The following SLC26A6 variants were observed in gnomAD, a reference collection of about 807,000 sequenced individuals.
The protein encoded by SLC26A6 is solute carrier family 26 member 6, also known as anion exchange transporter.
Under a neutral mutation model 87.1 loss-of-function variants are expected in SLC26A6, and 67 were observed. The observed-to-expected ratio is 0.77, with a 90% confidence interval of 0.63 to 0.94. SLC26A6 has a LOEUF of 0.94. Ranked by LOEUF, SLC26A6 falls within the 40% of genes least tolerant of loss-of-function variation. The pLI is 0.00. For missense variants in SLC26A6, 902 were observed against 973.0 expected (o/e 0.93, Z 0.97); for synonymous variants, 414 against 405.9 (o/e 1.02, Z -0.24).
rs768630096 is a variant in SLC26A6, at chr3:48,626,976, A to C, written c.1973T>G (p.Leu658Arg). Reference sequence around the variant, plus strand: ...TGGCTGAGGCAGGCCCAGGGCCTTCAGTGTGGACCCATCTGGGGCCTTGGA... The same window carrying C: ...TGGCTGAGGCAGGCCCAGGGCCTTCCGTGTGGACCCATCTGGGGCCTTGGA... Reference protein sequence around the residue: ...EDSKAPDGSTLKALGLPQPDF... With the variant: ...EDSKAPDGSTRKALGLPQPDF... Residue 658 changes from leucine to arginine, a missense_variant, in exon 18 of 21, where the codon CTG (leucine) becomes CGG (arginine). Coordinates refer to ENST00000395550, the MANE Select transcript of SLC26A6 (RefSeq NM_022911.3). 5 of 1,614,242 alleles carry C rather than the reference A, an allele frequency of 3.1e-6. No individual in the cohort carries two copies. The South Asian group carries it at 5.5e-5, about 18-fold the overall frequency.
intron 1 of SLC26A6, chr3:48,634,650 G>GCT: frequency 1.2e-6 from 1 of 855,992 alleles, no homozygotes; most frequent in East Asian, 1.2e-4. Context: ...TGTTGGGGAA[G>GCT]CTTTCACCAG....
At chr3:48,632,468 G>A in intron 4 of SLC26A6, 72 bp from the exon 5 acceptor site, 1 of 1,537,628 alleles carries the variant, frequency 6.5e-7, no homozygotes, top group Non-Finnish European at 8.8e-7. Context: ...GGTCTTAAGA[G>A]AGAGGCCAGG....
chr3:48,626,951 T>C lies in SLC26A6; in HGVS notation c.1998A>G (p.Pro666=). ...STLKALGLPQ[P]DFHSLILDLG... Reference sequence around the variant, plus strand: ...GGTCCAGGATGAGGCTGTGGAAGTCTGGCTGAGGCAGGCCCAGGGCCTTCA... The same window carrying C: ...GGTCCAGGATGAGGCTGTGGAAGTCCGGCTGAGGCAGGCCCAGGGCCTTCA... The change falls in exon 18 of 21, where the codon CCA becomes CCG. Residue 666 remains proline, a synonymous_variant. Coordinates refer to ENST00000395550, the MANE Select transcript of SLC26A6 (RefSeq NM_022911.3). The C allele has an allele frequency of 6.2e-7, 1 of 1,614,212 alleles. No homozygotes were observed. Among genetic ancestry groups the C allele is most frequent in the Non-Finnish European group, 8.5e-7 (1 of 1,180,030 alleles).
intron 11 of SLC26A6, 102 bp from the exon 12 acceptor site, chr3:48,630,259 AC>A (rs2046747270): frequency 1.0e-5 from 14 of 1,391,440 alleles, no homozygotes; most frequent in Non-Finnish European, 1.4e-5. Context: ...CTCAGGCAGT[AC>A]CCCAGACACA....
chr3:48,635,365 A>T lies in SLC26A6; in HGVS notation c.23+6T>A, dbSNP rs2046927969. 6.3e-7 allele frequency: 1 copy of T among 1,586,592 alleles called. No individual in the cohort carries two copies. The highest frequency in any genetic ancestry group is 8.6e-7 in the Non-Finnish European group (1 of 1,168,262). Reference sequence around the variant, plus strand: ...CGGGGCCACCGGGAATGTGCGCTGAACTCACCCCGACGCATCCGCCAGCCC... The same window carrying T: ...CGGGGCCACCGGGAATGTGCGCTGATCTCACCCCGACGCATCCGCCAGCCC... On this transcript the variant is annotated splice_donor_region_variant and intron_variant, in intron 1 of 20. Coordinates refer to ENST00000395550, the MANE Select transcript of SLC26A6 (RefSeq NM_022911.3).
rs76331418 is a variant in SLC26A6, at chr3:48,629,396, G to A, written c.1599+246C>T. 3.2e-3 allele frequency among the ~76,000 whole-genome samples: 486 copies of A among 152,300 alleles called. 20 individuals carry two copies. The East Asian group carries it at 0.08, about 25-fold the overall frequency. On this transcript the variant is annotated intron_variant, in intron 14 of 20. Transcript: ENST00000395550. ...GACCCACGGCTGCTCTGCAGGTGGA[G>A]CTTGTGCTGTTGACTCCACGACAGA...
intron 7 of SLC26A6, 45 bp from the exon 8 acceptor site, chr3:48,631,351 G>C (rs1220439427): frequency 6.6e-7 from 1 of 1,509,026 alleles, no homozygotes; most frequent in East Asian, 2.4e-5. Flanking sequence ...TGGCACCATG[G>C]TCAGGGGGAC....
chr3:48,635,134 G>C (rs933902476), intron 1 of SLC26A6, among the ~76,000 whole-genome samples: 5 of 152,226 alleles, frequency 3.3e-5, no homozygotes, highest in African/African-American at 9.6e-5. Flanking sequence ...CCTGTGGCCC[G>C]GGATGGCCCT....
At position 48,631,875 on chromosome 3, in the gene SLC26A6, C is replaced by T. The variant is rs1484504679; in HGVS notation, c.750+5G>A. On this transcript the variant is annotated splice_donor_5th_base_variant and intron_variant, in intron 6 of 20. Transcript: ENST00000395550. The stretch of plus-strand genomic sequence containing the variant: ...CTACCCCTCCCTCCCCCTACCCTCA[C>T]TCACATAGATGAGGGACAGTGGCCC... 1.2e-6 allele frequency: 2 copies of T among 1,613,600 alleles called. No homozygotes were observed. Among genetic ancestry groups the T allele is most frequent in the South Asian group, 1.1e-5 (1 of 91,084 alleles).
chr3:48,633,779 C>G, intron 1 of SLC26A6, 144 bp from the exon 2 acceptor site: 1 of 1,473,266 alleles, frequency 6.8e-7, no homozygotes, highest in Non-Finnish European at 8.9e-7. Flanking sequence ...CAGCTGGCAT[C>G]TGTGGGCCAC....
chr3:48,632,066 T>C, intron 5 of SLC26A6, 22 bp from the exon 6 acceptor site: 1 of 1,612,042 alleles, frequency 6.2e-7, no homozygotes, highest in South Asian at 1.1e-5. Context: ...CCAGGGGCAG[T>C]CAGGAGAGGC....
rs754558319 is a variant in SLC26A6 at position 48,628,636 on chromosome 3, C to CATCACTG, written c.1671_1677dup (p.Ala560GlnfsTer2). ...CTCCGTCTCACCCTCTGCTTCAGCG[C>CATCACTG]ATCACTGTAGAACTCAGCATTGGCA... On this transcript the variant is annotated stop_gained and frameshift_variant, in exon 15 of 21. Transcript: ENST00000395550. LOFTEE classifies it high-confidence loss of function. This position sits in a 1 kb window ranked among gnomAD's most constrained non-coding sequence, Gnocchi z 4.4. 2.2e-5 allele frequency: 36 copies of CATCACTG among 1,613,732 alleles called. No individual in the cohort carries two copies. The highest frequency in any genetic ancestry group is 2.5e-5 in the Non-Finnish European group (29 of 1,179,980).
intron 4 of SLC26A6, 69 bp downstream of exon 4, chr3:48,632,905 G>T: frequency 2.1e-6 from 3 of 1,455,832 alleles, no homozygotes; most frequent in Non-Finnish European, 2.9e-6. Context: ...CCTGCTCAGT[G>T]CCCCCTCACC....
Position 48,628,376 on chromosome 3 carries a change from G to C in SLC26A6, c.1800+58C>G. On this transcript the variant is annotated intron_variant, in intron 16 of 20. Coordinates refer to ENST00000395550, the MANE Select transcript of SLC26A6 (RefSeq NM_022911.3). The surrounding 1 kb of genome is among the most constrained non-coding windows in gnomAD (Gnocchi z 4.4). ...GGGAGGAGTCGGGGGCCAGGAGAAA[G>C]GCTGGGGCAGGGAACAGGGGGCAGG... 6.2e-7 allele frequency: 1 copy of C among 1,607,758 alleles called. No individual in the cohort carries two copies. The highest frequency in any genetic ancestry group is 2.2e-5 in the East Asian group (1 of 44,866).
At chr3:48,626,464 C>T in intron 19 of SLC26A6, 110 bp from the exon 20 acceptor site, 1 of 1,558,068 alleles carries the variant, frequency 6.4e-7, no homozygotes, top group Non-Finnish European at 8.8e-7. Context: ...ACCCCTGAGG[C>T]TACAGCTGAA....
intron 9 of SLC26A6, 71 bp downstream of exon 9, chr3:48,630,922 G>T (rs2046769658): frequency 1.9e-6 from 3 of 1,588,612 alleles, no homozygotes; most frequent in Admixed American, 3.4e-5. Context: ...TGTCCCACCG[G>T]TTCCTCCCCC....
In SLC26A6 at chr3:48,628,564, G is replaced by A. The variant is rs368819249; in HGVS notation, c.1693-23C>T. 2.3e-5 allele frequency: 37 copies of A among 1,614,066 alleles called. No individual in the cohort carries two copies. The highest frequency in any genetic ancestry group is 3.0e-5 in the Non-Finnish European group (35 of 1,179,982). On this transcript the variant is annotated intron_variant, in intron 15 of 20. Coordinates refer to ENST00000395550, the MANE Select transcript of SLC26A6 (RefSeq NM_022911.3). This position sits in a 1 kb window ranked among gnomAD's most constrained non-coding sequence, Gnocchi z 4.4. The stretch of plus-strand genomic sequence containing the variant: ...ACACTGGAGGCAAACATCAGAGAAG[G>A]GTTGGTGAGCTCTCTGGGAGCTGGG...
Position 48,632,099 on chromosome 3 carries a change from A to G in SLC26A6, c.586-55T>C, listed in dbSNP as rs754341988. On this transcript the variant is annotated intron_variant, in intron 5 of 20. Coordinates refer to ENST00000395550, the MANE Select transcript of SLC26A6 (RefSeq NM_022911.3). ...GGCAGGGGTCCTGGGGTTGCTAATG[A>G]GGAGCGCAGGGCAAGTGGGATGGGA... The G allele has an allele frequency of 1.9e-6, 3 of 1,606,218 alleles. No homozygotes were observed. In the South Asian group the frequency reaches 3.3e-5, roughly 18 times the overall value.
rs1449305918 is a variant in SLC26A6 at position 48,628,719 on chromosome 3, G to T, written c.1600-5C>A. 6.2e-7 allele frequency: 1 copy of T among 1,612,632 alleles called. No individual in the cohort carries two copies. Among genetic ancestry groups the T allele is most frequent in the East Asian group, 2.2e-5 (1 of 44,860 alleles). ...CACCCCCCGGACTTCCTTGGCCTGG[G>T]GATGAGGCAGAACTGGTGGTGGCTG... On this transcript the variant is annotated splice_region_variant and splice_polypyrimidine_tract_variant and intron_variant, in intron 14 of 20. Coordinates refer to ENST00000395550, the MANE Select transcript of SLC26A6 (RefSeq NM_022911.3). The surrounding 1 kb of genome is among the most constrained non-coding windows in gnomAD (Gnocchi z 4.4).
Sources: gnomAD v4.1 joint callset for allele counts (sites outside exome capture counted in the v4.1 genomes callset) on GRCh38, gnomAD v4.1.1 for gene constraint, Gnocchi (gnomAD v3.1) non-coding constraint, MANE v1.5 for transcripts, NCBI Gene and HGNC (gene_info 2026-07-23, HGNC 2026-07-21) for gene names.